HSDL2: variants seen among roughly 807,000 people sequenced by gnomAD.
HSDL2 encodes the protein hydroxysteroid dehydrogenase like 2, also known as hydroxysteroid dehydrogenase-like protein 2.
In HSDL2, 27 loss-of-function variants were observed where a neutral mutation model predicts 46.3. The observed-to-expected ratio is 0.58, with a 90% CI of 0.43 to 0.80. The LOEUF is 0.80. Ranked by LOEUF, HSDL2 falls within the 30% of genes least tolerant of loss-of-function variation. The pLI is 0.00. For synonymous variants in HSDL2, 153 were observed against 163.6 expected (o/e 0.94, Z 0.50); for missense variants, 451 against 502.7 (o/e 0.90, Z 0.98).
intron 6 of HSDL2, chr9:112,433,974 T>A (rs1832463110): frequency 6.6e-6 from 1 of 152,284 alleles, no homozygotes; most frequent in South Asian, 2.1e-4. Context: ...ACTTCCACCC[T>A]GCTGAATTCA....
chr9:112,442,861 C>A (rs1832671652), intron 8 of HSDL2, among the ~76,000 whole-genome samples: 1 of 151,824 alleles, frequency 6.6e-6, no homozygotes, highest in South Asian at 2.1e-4. Context: ...TTCCAGCTTT[C>A]TTTTATTTAT....
Position 112,418,961 on chromosome 9 carries a change from A to G in HSDL2, c.598+3A>G. ...CAATGCATTATGGCCTAAAACAGGT[A>G]TGTATTTTTAAAAACTTCATTTGTT... On this transcript the variant is annotated splice_donor_region_variant and intron_variant, in intron 6 of 10. Coordinates refer to ENST00000398805, the MANE Select transcript of HSDL2 (RefSeq NM_032303.5). 2 of 1,515,874 alleles carry G rather than the reference A, an allele frequency of 1.3e-6. No homozygotes were observed. The highest frequency in any genetic ancestry group is 1.8e-6 in the Non-Finnish European group (2 of 1,097,074). 93.9% of individuals were successfully genotyped at this position (1,515,874 alleles called of 1,614,324 possible). A position where few individuals can be genotyped will look rare whatever the true frequency, so the allele number is the denominator to read the frequency against.
chr9:112,392,269 A>G (rs1321582817), intron 1 of HSDL2, among the ~76,000 whole-genome samples: 1 of 152,226 alleles, frequency 6.6e-6, no homozygotes, highest in African/African-American at 2.4e-5. Flanking sequence ...GGACAAAGGG[A>G]AAAAGCAGAA....
At chr9:112,381,448 G>A (rs917990830) in intron 1 of HSDL2, among the ~76,000 whole-genome samples, 19 of 151,886 alleles carry the variant, frequency 1.3e-4, no homozygotes, top group African/African-American at 4.6e-4. Context: ...TGCAGCCTCC[G>A]CCTCCCGCAA....
At chr9:112,381,334 C>G (rs1209046353) in intron 1 of HSDL2, among the ~76,000 whole-genome samples, 2 of 152,068 alleles carry the variant, frequency 1.3e-5, no homozygotes, top group African/African-American at 4.8e-5. Context: ...CAGGGACATA[C>G]ATTTTTAGTA....
intron 4 of HSDL2, among the ~76,000 whole-genome samples, chr9:112,410,549 C>T (rs1470696980): frequency 6.6e-6 from 1 of 152,230 alleles, no homozygotes; most frequent in African/African-American, 2.4e-5. Flanking sequence ...ATTTTTCCCT[C>T]AGGTATGTTT....
At chr9:112,452,206 T>C (rs763557738) in intron 8 of HSDL2, among the ~76,000 whole-genome samples, 14 of 152,230 alleles carry the variant, frequency 9.2e-5, no homozygotes, top group Non-Finnish European at 1.6e-4. Flanking sequence ...ATATTCAGTA[T>C]ACTTTATGAA....
chr9:112,431,118 A>AGTGGG (rs965420590), intron 6 of HSDL2, among the ~76,000 whole-genome samples: 2 of 151,728 alleles, frequency 1.3e-5, no homozygotes, highest in African/African-American at 2.4e-5. Context: ...AGAACAGTGG[A>AGTGGG]GTCGCCAGGA....
chr9:112,445,969 A>C (rs918272478), intron 8 of HSDL2, among the ~76,000 whole-genome samples: 1 of 152,204 alleles, frequency 6.6e-6, no homozygotes, highest in African/African-American at 2.4e-5. Flanking sequence ...GAATTGATGA[A>C]TCTGTATTGA....
chr9:112,423,991 A>G (rs62569989), intron 6 of HSDL2, among the ~76,000 whole-genome samples: 142,401 of 151,568 alleles, frequency 0.94, 66,985 homozygotes, highest in African/African-American at 0.98. Context: ...TGGGATTACA[A>G]GCGTGAGCCA....
At position 112,391,178 on chromosome 9, in the gene HSDL2, A is replaced by AAATAAT. The variant is rs57337984; in HGVS notation, c.17+11017_17+11022dup. Among the ~76,000 whole-genome samples, 542 of 149,542 alleles carry AAATAAT rather than the reference A, an allele frequency of 3.6e-3. 18 individuals carry two copies. The East Asian group carries it at 0.09, about 25-fold the overall frequency. ...GTGACAGAGTAAGACTCCATCTCAA[A>AAATAAT]AATAATAATAATAATAATAATAATT... On this transcript the variant is annotated intron_variant, in intron 1 of 10. Coordinates refer to ENST00000398805, the MANE Select transcript of HSDL2 (RefSeq NM_032303.5).
chr9:112,389,837 G>A (rs926820742), intron 1 of HSDL2, among the ~76,000 whole-genome samples: 4 of 152,122 alleles, frequency 2.6e-5, no homozygotes, highest in South Asian at 2.1e-4. Flanking sequence ...AGCCGAGGCC[G>A]GTGGATCACT....
chr9:112,431,184 G>A (rs1832385816), intron 6 of HSDL2, among the ~76,000 whole-genome samples: 1 of 152,152 alleles, frequency 6.6e-6, no homozygotes, highest in African/African-American at 2.4e-5. Context: ...TAGGAATTGT[G>A]TGGGGTGTTG....
chr9:112,468,348 A>T (rs370945217), intron 10 of HSDL2, among the ~76,000 whole-genome samples: 2 of 152,306 alleles, frequency 1.3e-5, no homozygotes, highest in South Asian at 4.1e-4. Flanking sequence ...GAAAAAGATC[A>T]TCTGATTTAA....
intron 3 of HSDL2, among the ~76,000 whole-genome samples, chr9:112,408,545 A>G (rs1215380883): frequency 6.6e-6 from 1 of 152,228 alleles, no homozygotes; most frequent in African/African-American, 2.4e-5. Flanking sequence ...TCGTATGAAC[A>G]TAGAGTATAC....
chr9:112,466,634 T>G (rs1833396579), intron 10 of HSDL2, among the ~76,000 whole-genome samples: 1 of 152,216 alleles, frequency 6.6e-6, no homozygotes, highest in African/African-American at 2.4e-5. Flanking sequence ...ACATTTTTTG[T>G]AGGTTGTTTT....
intron 3 of HSDL2, among the ~76,000 whole-genome samples, chr9:112,408,699 C>G (rs989683101): frequency 6.6e-6 from 1 of 151,952 alleles, no homozygotes; most frequent in Non-Finnish European, 1.5e-5. Flanking sequence ...TGTATCTGAA[C>G]AAACTTAGAC....
chr9:112,419,201 G>A (rs948488794), intron 6 of HSDL2, among the ~76,000 whole-genome samples: 1 of 152,022 alleles, frequency 6.6e-6, no homozygotes, highest in Non-Finnish European at 1.5e-5. Flanking sequence ...TAGAGACAGG[G>A]TTTCACCATG....
chr9:112,439,579 G>A (rs1832597610), intron 7 of HSDL2, among the ~76,000 whole-genome samples: 1 of 152,122 alleles, frequency 6.6e-6, no homozygotes, highest in South Asian at 2.1e-4. Flanking sequence ...ATATTTATTT[G>A]CGCTAAAGTA....
Sources: gnomAD v4.1 joint callset for allele counts (sites outside exome capture counted in the v4.1 genomes callset) on GRCh38, gnomAD v4.1.1 for gene constraint, MANE v1.5 for transcripts, NCBI Gene and HGNC (gene_info 2026-07-23, HGNC 2026-07-21) for gene names.